ARHGAP26: variants seen among roughly 807,000 people sequenced by gnomAD.
ARHGAP26 encodes the protein Rho GTPase activating protein 26, also known as rho GTPase-activating protein 26.
Under a neutral mutation model 104.8 loss-of-function variants are expected in ARHGAP26, and 38 were observed. The observed-to-expected ratio is 0.36, with a 90% CI of 0.28 to 0.48. The LOEUF (loss-of-function observed/expected upper bound fraction) is 0.48. ARHGAP26 is among the 20% of genes least tolerant of loss of function. ARHGAP26 has a pLI of 0.99. For missense variants in ARHGAP26, 704 were observed against 947.9 expected (o/e 0.74, Z 3.38); for synonymous variants, 341 against 340.0 (o/e 1.00, Z -0.03).
chr5:142,819,809 T>G (rs1227344723), intron 1 of ARHGAP26, among the ~76,000 whole-genome samples: 4 of 152,212 alleles, frequency 2.6e-5, no homozygotes, highest in Non-Finnish European at 5.9e-5. Context: ...TTATAAAAAT[T>G]TACATAGTAT....
In ARHGAP26 at chr5:143,179,027, A is replaced by G. The variant is rs188855538; in HGVS notation, c.1989-28171A>G. ...TGGGATTACAGGCACCTGCCACCAC[A>G]CCTGGCTAATTTTTATATTTTTAGT... On this transcript the variant is annotated intron_variant, in intron 20 of 22. Coordinates refer to ENST00000645722, the MANE Select transcript of ARHGAP26 (RefSeq NM_001135608.3). Among the ~76,000 whole-genome samples the G allele has an allele frequency of 4.7e-3, 707 of 151,856 alleles. 7 individuals are homozygous for G. The highest frequency in any genetic ancestry group is 3.6e-3 in the Non-Finnish European group (244 of 67,914).
Position 143,058,121 on chromosome 5 carries a change from T to C in ARHGAP26, c.1538+374T>C, listed in dbSNP as rs1261006004. ...AACAAACAAAAATATGTTGTGGGTT[T>C]ACAGAATTTGGGTTTTTAGTAAAGA... On this transcript the variant is annotated intron_variant, in intron 17 of 22. Coordinates refer to ENST00000645722, the MANE Select transcript of ARHGAP26 (RefSeq NM_001135608.3). 4 of 455,822 alleles carry C rather than the reference T, an allele frequency of 8.8e-6. No individual in the cohort carries two copies. The East Asian group carries it at 1.7e-4, about 19-fold the overall frequency. 28.2% of individuals were successfully genotyped at this position (455,822 alleles called of 1,614,324 possible).
chr5:143,056,408 TC>T (rs1197760598), intron 16 of ARHGAP26, among the ~76,000 whole-genome samples: 1 of 151,262 alleles, frequency 6.6e-6, no homozygotes, highest in Non-Finnish European at 1.5e-5. Flanking sequence ...TTATTGGAGT[TC>T]TAACTTCTTA....
rs1286266419 is a variant in ARHGAP26, at chr5:142,770,659, C to T, written c.-103C>T. On this transcript the variant is annotated 5_prime_UTR_variant, in exon 1 of 23. Coordinates refer to ENST00000645722, the MANE Select transcript of ARHGAP26 (RefSeq NM_001135608.3). ...AGCGCCACACCTGTGGAGCCGGCGGCCGTCGGGGGAGCCGGCCGGGGTCCC... is the reference window on the plus strand; with the variant it reads ...AGCGCCACACCTGTGGAGCCGGCGGTCGTCGGGGGAGCCGGCCGGGGTCCC... 2 of 882,130 alleles carry T rather than the reference C, an allele frequency of 2.3e-6. No homozygotes were observed. The highest frequency in any genetic ancestry group is 5.2e-5 in the South Asian group (1 of 19,230). The allele number at this position is 882,130 out of a possible 1,614,324, so 54.6% of individuals were successfully genotyped here.
At chr5:143,028,716 C>T (rs1781423500) in intron 12 of ARHGAP26, among the ~76,000 whole-genome samples, 1 of 152,180 alleles carries the variant, frequency 6.6e-6, no homozygotes, top group Non-Finnish European at 1.5e-5. Context: ...TCATATCCAG[C>T]CAGAGGTAGC....
chr5:142,932,251 G>GT (rs778110042), intron 11 of ARHGAP26, 126 bp downstream of exon 11: 1 of 804,424 alleles, frequency 1.2e-6, no homozygotes, highest in Non-Finnish European at 2.1e-6. Context: ...ACCAGAGGTG[G>GT]TTTTTTATTC....
intron 10 of ARHGAP26, chr5:142,922,164 A>G (rs533179863): frequency 6.6e-5 from 10 of 152,366 alleles, no homozygotes; most frequent in African/African-American, 2.4e-4. Flanking sequence ...TGGCCTCAAG[A>G]AGAAACTGTA....
At chr5:142,915,016 A>T (rs1372968866) in intron 10 of ARHGAP26, among the ~76,000 whole-genome samples, 1 of 152,176 alleles carries the variant, frequency 6.6e-6, no homozygotes, top group Non-Finnish European at 1.5e-5. Context: ...CAGATTGGAA[A>T]CAAGCCCAAA....
intron 17 of ARHGAP26, among the ~76,000 whole-genome samples, chr5:143,086,180 G>A (rs960518482): frequency 1.3e-5 from 2 of 152,128 alleles, no homozygotes; most frequent in Non-Finnish European, 2.9e-5. Flanking sequence ...TCTCTCCAGA[G>A]TATCTGGAAA....
intron 1 of ARHGAP26, among the ~76,000 whole-genome samples, chr5:142,854,920 G>A (rs768495453): frequency 6.6e-6 from 1 of 152,060 alleles, no homozygotes; most frequent in Non-Finnish European, 1.5e-5. Context: ...TTAACTGGAT[G>A]TGCTGTTCAA....
chr5:142,901,509 T>C (rs1178807467), intron 6 of ARHGAP26, among the ~76,000 whole-genome samples: 2 of 152,244 alleles, frequency 1.3e-5, no homozygotes, highest in African/African-American at 4.8e-5. Context: ...AATAACCTGA[T>C]ACTACAAATG....
chr5:142,945,235 A>G (rs771576212), intron 11 of ARHGAP26, among the ~76,000 whole-genome samples: 7 of 152,296 alleles, frequency 4.6e-5, no homozygotes, highest in Middle Eastern at 3.4e-3. Context: ...CCTGAGGGAT[A>G]TGGGTCTCTG....
chr5:143,203,806 G>T (rs2151328437), intron 20 of ARHGAP26: 1 of 152,052 alleles, frequency 6.6e-6, no homozygotes, highest in African/African-American at 2.4e-5. Flanking sequence ...ATCATTCTCA[G>T]CAAACTAACA....
At chr5:143,087,804 C>T (rs527460433) in intron 17 of ARHGAP26, among the ~76,000 whole-genome samples, 8 of 151,948 alleles carry the variant, frequency 5.3e-5, no homozygotes, top group African/African-American at 1.9e-4. Context: ...CATGTGCCAC[C>T]ACGCCTGGCT....
At chr5:143,186,638 C>A (rs188094156) in intron 20 of ARHGAP26, among the ~76,000 whole-genome samples, 1 of 152,188 alleles carries the variant, frequency 6.6e-6, no homozygotes, top group Admixed American at 6.5e-5. Flanking sequence ...AGGATTGACA[C>A]CTCCATGTGA....
chr5:143,092,188 T>TTTTAC (rs1276787689), intron 17 of ARHGAP26, among the ~76,000 whole-genome samples: 1 of 142,458 alleles, frequency 7.0e-6, no homozygotes, highest in Admixed American at 7.1e-5. Flanking sequence ...TTTTTTGAGA[T>TTTTAC]GGAGTCTCCC....
chr5:142,971,489 A>G (rs1242224827), intron 11 of ARHGAP26, among the ~76,000 whole-genome samples: 2 of 152,124 alleles, frequency 1.3e-5, no homozygotes. Context: ...GCCCCAGGGT[A>G]TCACTAATTA....
intron 11 of ARHGAP26, among the ~76,000 whole-genome samples, chr5:142,977,358 C>T (rs1773249905): frequency 6.6e-6 from 1 of 152,044 alleles, no homozygotes; most frequent in South Asian, 2.1e-4. Flanking sequence ...ATAAAGAGAA[C>T]TTCAAACAGA....
At chr5:143,090,946 C>T (rs552871843) in intron 17 of ARHGAP26, among the ~76,000 whole-genome samples, 1 of 152,300 alleles carries the variant, frequency 6.6e-6, no homozygotes, top group African/African-American at 2.4e-5. Flanking sequence ...AAGTAGAGAG[C>T]TGTCTTTGAC....
Sources: gnomAD v4.1 joint callset for allele counts (sites outside exome capture counted in the v4.1 genomes callset) on GRCh38, gnomAD v4.1.1 for gene constraint, MANE v1.5 for transcripts, NCBI Gene and HGNC (gene_info 2026-07-23, HGNC 2026-07-21) for gene names.